Variants in HARS1 observed in about 807,000 individuals in gnomAD.
The protein encoded by HARS1 is histidyl-tRNA synthetase 1.
A neutral mutation model predicts 63.6 loss-of-function variants in HARS1; 45 were observed. That is an observed-to-expected ratio of 0.71 (90% CI 0.56 to 0.91). The LOEUF is 0.91. Ranked by LOEUF, HARS1 falls within the 40% of genes least tolerant of loss-of-function variation. HARS1 has a pLI of 0.00. For synonymous variants in HARS1, 205 were observed against 247.1 expected, an observed-to-expected ratio of 0.83 and a Z score of 1.60; for missense variants, 508 against 643.2, an observed-to-expected ratio of 0.79 and a Z score of 2.27.
chr5:140,690,781 A>C (rs1386145247), intron 2 of HARS1, 74 bp downstream of exon 2: 2 of 847,804 alleles, frequency 2.4e-6, no homozygotes, highest in Non-Finnish European at 4.1e-6. Context: ...GACCTGGTTT[A>C]GGGAGGCAGA....
intron 2 of HARS1, chr5:140,685,027 C>A (rs942030021): frequency 6.6e-6 from 1 of 152,038 alleles, no homozygotes; most frequent in African/African-American, 2.4e-5. Flanking sequence ...GAAAATCTAA[C>A]CTTACACAGA....
chr5:140,684,591 G>T (rs183430882), intron 2 of HARS1: 17 of 175,904 alleles, frequency 9.7e-5, no homozygotes, highest in African/African-American at 3.6e-4. Flanking sequence ...CAGCATGTTC[G>T]TGGCAGTCAG....
chr5:140,690,386 C>A (rs1301912334), intron 2 of HARS1, among the ~76,000 whole-genome samples: 1 of 151,856 alleles, frequency 6.6e-6, no homozygotes, highest in Non-Finnish European at 1.5e-5. Flanking sequence ...CAGGAGGCAG[C>A]GGCTGCAGTG....
chr5:140,674,656 G>A (rs1320251413), intron 12 of HARS1, 23 bp downstream of exon 12: 2 of 1,613,754 alleles, frequency 1.2e-6, no homozygotes, highest in Non-Finnish European at 1.7e-6. Context: ...CTGTCCCTTA[G>A]CCTTCCTGCC....
chr5:140,677,383 T>C lies in HARS1; in HGVS notation c.767A>G (p.Glu256Gly), dbSNP rs755191584. ...WEEVKNEMVGEKGLAPEVADR... is the reference protein window; with the variant it reads ...WEEVKNEMVGGKGLAPEVADR... Reference sequence around the variant, plus strand: ...AGCCACCTCAGGTGCAAGGCCCTTCTCTCCCACCATCTCATTCTTCACCTC... The same window carrying C: ...AGCCACCTCAGGTGCAAGGCCCTTCCCTCCCACCATCTCATTCTTCACCTC... The change falls in exon 8 of 13, where the codon GAG becomes GGG. Residue 256 changes from glutamate (E) to glycine (G), a missense_variant. Physicochemically the swap from Glu to Gly is moderately conservative, Grantham distance 98 (BLOSUM62 -2). Transcript: ENST00000504156. 25 of 1,613,818 alleles carry C rather than the reference T, an allele frequency of 1.5e-5. No homozygotes were observed. The highest frequency in any genetic ancestry group is 2.1e-5 in the Non-Finnish European group (25 of 1,179,790).
chr5:140,687,644 T>C (rs1394324460), intron 2 of HARS1: 3 of 152,170 alleles, frequency 2.0e-5, no homozygotes, highest in Non-Finnish European at 2.9e-5. Context: ...AATTTATTTA[T>C]TTACTTACTG....
Position 140,683,311 on chromosome 5 carries a change from G to C in HARS1, c.181-92C>G, listed in dbSNP as rs76999025. ...AATATAAAAGGATGACCTCAATAAT[G>C]AAAAAGCAAATCCTGCTCTAAACAG... On this transcript the variant is annotated intron_variant, in intron 2 of 12. Coordinates refer to ENST00000504156, the MANE Select transcript of HARS1 (RefSeq NM_002109.6). 5 of 1,343,882 alleles carry C rather than the reference G, an allele frequency of 3.7e-6. No individual in the cohort carries two copies. The Admixed American group carries it at 6.3e-5, about 17-fold the overall frequency. 83.2% of individuals were successfully genotyped at this position (1,343,882 alleles called of 1,614,324 possible). A position where few individuals can be genotyped will look rare whatever the true frequency, so the allele number is the denominator to read the frequency against.
At position 140,674,374 on chromosome 5, in the gene HARS1, A is replaced by G. The variant is rs1190326025; in HGVS notation, c.1459-46T>C. On this transcript the variant is annotated intron_variant, in intron 12 of 12. Transcript: ENST00000504156. The stretch of plus-strand genomic sequence containing the variant: ...AGGTGGTATAAGCATCTTCCATTCC[A>G]CTGCTCCCCGAGTGCCTAGTTTCCT... 5.4e-6 allele frequency: 7 copies of G among 1,305,416 alleles called. No homozygotes were observed. The Admixed American group carries it at 6.7e-5, about 13-fold the overall frequency. 80.9% of individuals were successfully genotyped at this position (1,305,416 alleles called of 1,614,324 possible).
chr5:140,688,255 A>T (rs1213286001), intron 2 of HARS1, among the ~76,000 whole-genome samples: 1 of 152,228 alleles, frequency 6.6e-6, no homozygotes, highest in African/African-American at 2.4e-5. Flanking sequence ...ACTCTCTAGC[A>T]TAATCTTAAC....
chr5:140,682,932 G>C (rs752474705), intron 3 of HARS1, 168 bp downstream of exon 3: 17 of 578,876 alleles, frequency 2.9e-5, no homozygotes, highest in Non-Finnish European at 4.0e-5. Flanking sequence ...ATAAAAGACA[G>C]GGCCTCTCCC....
rs1433992082 is a variant in HARS1, at chr5:140,676,528, T to C, written c.1194+126A>G. 5.1e-6 allele frequency: 5 copies of C among 979,546 alleles called. No homozygotes were observed. The highest frequency in any genetic ancestry group is 7.7e-6 in the Non-Finnish European group (5 of 646,298). 60.7% of individuals were successfully genotyped at this position (979,546 alleles called of 1,614,324 possible). A position where few individuals can be genotyped will look rare whatever the true frequency, so the allele number is the denominator to read the frequency against. On this transcript the variant is annotated intron_variant, in intron 10 of 12. Transcript: ENST00000504156. The surrounding 1 kb of genome is among the most constrained non-coding windows in gnomAD (Gnocchi z 4.1). ...GGTAGAAATCTGTGAAAAAGAGCAA[T>C]AATCTTTTCTCCATTTCTGTGAGAT... is the stretch of plus-strand genomic sequence containing the variant.
chr5:140,676,341 C>CA lies in HARS1; in HGVS notation c.1194+312dup, dbSNP rs2149822291. ...AAAGCACCAAGCACAGTGCCTGGCACAAGGCAGTAAAATGTTAAGTATTCC... is the reference window on the plus strand; with the variant it reads ...AAAGCACCAAGCACAGTGCCTGGCACAAAGGCAGTAAAATGTTAAGTATTCC... On this transcript the variant is annotated intron_variant, in intron 10 of 12. Coordinates refer to ENST00000504156, the MANE Select transcript of HARS1 (RefSeq NM_002109.6). This position sits in a 1 kb window ranked among gnomAD's most constrained non-coding sequence, Gnocchi z 4.1. 3.1e-6 allele frequency: 1 copy of CA among 318,590 alleles called. No homozygotes were observed. The highest frequency in any genetic ancestry group is 5.8e-6 in the Non-Finnish European group (1 of 172,358). The allele number at this position is 318,590 out of a possible 1,614,324, so 19.7% of individuals were successfully genotyped here. A position where few individuals can be genotyped will look rare whatever the true frequency, so the allele number is the denominator to read the frequency against.
In HARS1 at chr5:140,679,421, C is replaced by A; in HGVS notation, c.397-294G>T. On this transcript the variant is annotated intron_variant, in intron 4 of 12. Transcript: ENST00000504156. The surrounding 1 kb of genome is among the most constrained non-coding windows in gnomAD (Gnocchi z 4.3). Reference sequence around the variant, plus strand: ...CCAGAAAAAGGCGACCAGAAAAAGGCCCCCATATGGGATTTCTAAGCAGAT... The same window carrying A: ...CCAGAAAAAGGCGACCAGAAAAAGGACCCCATATGGGATTTCTAAGCAGAT... 2.4e-6 allele frequency: 1 copy of A among 409,198 alleles called. No homozygotes were observed. Among genetic ancestry groups the A allele is most frequent in the Non-Finnish European group, 4.4e-6 (1 of 229,108 alleles). The allele number at this position is 409,198 out of a possible 1,614,324, so 25.3% of individuals were successfully genotyped here.
intron 3 of HARS1, among the ~76,000 whole-genome samples, chr5:140,681,066 C>A (rs1188761224): frequency 6.6e-6 from 1 of 152,080 alleles, no homozygotes; most frequent in East Asian, 1.9e-4. Context: ...TGATGTCTAT[C>A]ATCGGTAATA....
Position 140,676,423 on chromosome 5 carries a change from G to A in HARS1, c.1194+231C>T, listed in dbSNP as rs1169052096. ...ACCAGCCCAGGTTTGTGACAGCCCTGAAGGAAGTAGAGACCCAGAGCAGAG... is the reference window on the plus strand; with the variant it reads ...ACCAGCCCAGGTTTGTGACAGCCCTAAAGGAAGTAGAGACCCAGAGCAGAG... On this transcript the variant is annotated intron_variant, in intron 10 of 12. Transcript: ENST00000504156. The surrounding 1 kb of genome is among the most constrained non-coding windows in gnomAD (Gnocchi z 4.1). 10 of 545,192 alleles carry A rather than the reference G, an allele frequency of 1.8e-5. No homozygotes were observed. The East Asian group carries it at 2.8e-4, about 15-fold the overall frequency. The allele number at this position is 545,192 out of a possible 1,614,324, so 33.8% of individuals were successfully genotyped here.
At chr5:140,675,194 G>A (rs568147708) in intron 10 of HARS1, 61 bp from the exon 11 acceptor site, 1 of 1,092,332 alleles carries the variant, frequency 9.2e-7, no homozygotes, top group South Asian at 1.2e-5. Context: ...AACAAAGCAG[G>A]CTCTAGTCGG....
chr5:140,688,763 A>C (rs940198686), intron 2 of HARS1, among the ~76,000 whole-genome samples: 1 of 152,162 alleles, frequency 6.6e-6, no homozygotes, highest in Non-Finnish European at 1.5e-5. Context: ...CCTAAAAAAA[A>C]ATTTTCACAT....
chr5:140,678,936 A>G (rs1758548128), intron 5 of HARS1, 66 bp downstream of exon 5: 11 of 1,558,610 alleles, frequency 7.1e-6, no homozygotes, highest in South Asian at 5.7e-5. Context: ...TGAGTACTCA[A>G]TAGATTCTGC....
Position 140,683,520 on chromosome 5 carries a change from T to G in HARS1, c.181-301A>C, listed in dbSNP as rs1456674474. The G allele has an allele frequency of 2.7e-6, 3 of 1,117,350 alleles. No homozygotes were observed. The East Asian group carries it at 1.9e-4, about 72-fold the overall frequency. 69.2% of individuals were successfully genotyped at this position (1,117,350 alleles called of 1,614,324 possible). A position where few individuals can be genotyped will look rare whatever the true frequency, so the allele number is the denominator to read the frequency against. ...CACTCTCTCTCAGATAACAGAACAT[T>G]TCCTGGCCTAATAACAAACACCTAC... is the stretch of plus-strand genomic sequence containing the variant. On this transcript the variant is annotated intron_variant, in intron 2 of 12. Coordinates refer to ENST00000504156, the MANE Select transcript of HARS1 (RefSeq NM_002109.6).
Sources: gnomAD v4.1 joint callset for allele counts (sites outside exome capture counted in the v4.1 genomes callset) on GRCh38, gnomAD v4.1.1 for gene constraint, Gnocchi (gnomAD v3.1) non-coding constraint, MANE v1.5 for transcripts, NCBI Gene and HGNC (gene_info 2026-07-23, HGNC 2026-07-21) for gene names.